The following OSBP2 variants were observed in gnomAD, a reference collection of about 807,000 sequenced individuals.
OSBP2 encodes the protein oxysterol-binding protein 2.
OSBP2 carries 66 observed loss-of-function variants against 96.0 expected under a neutral mutation model. The ratio of observed to expected loss-of-function variants is 0.69; its 90% confidence interval spans 0.56 to 0.84. The LOEUF is 0.84. Ranked by LOEUF, OSBP2 falls within the 40% of genes least tolerant of loss-of-function variation. The pLI, the probability that OSBP2 is intolerant of heterozygous loss-of-function variation, is 0.00. For missense variants in OSBP2, 1,038 were observed against 1,222.7 expected, an observed-to-expected ratio of 0.85 and a Z score of 2.25; for synonymous variants, 525 against 520.9, an observed-to-expected ratio of 1.01 and a Z score of -0.11.
chr22:30,697,030 C>G (rs1399155243), intron 1 of OSBP2, among the ~76,000 whole-genome samples: 1 of 152,062 alleles, frequency 6.6e-6, no homozygotes, highest in African/African-American at 2.4e-5. Context: ...AAGGCACTGG[C>G]CCAGTAGACG....
intron 2 of OSBP2, among the ~76,000 whole-genome samples, chr22:30,834,606 A>C (rs1433797740): frequency 6.6e-6 from 1 of 152,134 alleles, no homozygotes; most frequent in Non-Finnish European, 1.5e-5. Flanking sequence ...ATAACTGATA[A>C]TGTTGAACAT....
chr22:30,739,613 T>C (rs910085970), intron 1 of OSBP2, among the ~76,000 whole-genome samples: 2 of 152,094 alleles, frequency 1.3e-5, no homozygotes, highest in Non-Finnish European at 2.9e-5. Flanking sequence ...TAGCTGGGAC[T>C]ACAGGTGCAC....
At chr22:30,816,612 G>A (rs1011029670) in intron 2 of OSBP2, among the ~76,000 whole-genome samples, 2 of 152,240 alleles carry the variant, frequency 1.3e-5, no homozygotes, top group Admixed American at 1.3e-4. Flanking sequence ...CTCCCAGAGA[G>A]GCGGCCTCTG....
intron 2 of OSBP2, among the ~76,000 whole-genome samples, chr22:30,839,193 G>A (rs1239438612): frequency 7.0e-6 from 1 of 142,628 alleles, no homozygotes; most frequent in African/African-American, 2.7e-5. Context: ...ATTTTTTATG[G>A]CTGCATAGTA....
At chr22:30,720,418 G>C (rs1304295314) in intron 1 of OSBP2, among the ~76,000 whole-genome samples, 1 of 152,130 alleles carries the variant, frequency 6.6e-6, no homozygotes, top group African/African-American at 2.4e-5. Context: ...TTGGCAGGAG[G>C]CCTCAGTTCC....
In OSBP2 at chr22:30,887,326, C is replaced by T. The variant is rs7285523; in HGVS notation, c.1108-100C>T. The T allele has an allele frequency of 3.1e-3, 3,089 of 980,826 alleles. 50 individuals carry two copies. In the African/African-American group the frequency reaches 0.039, roughly 12 times the overall value. The allele number at this position is 980,826 out of a possible 1,614,324, so 60.8% of individuals were successfully genotyped here. Reference sequence around the variant, plus strand: ...CAGTAGGTTTCAGCCTCATCTTACCCAGCTCCTGTTTAAGGTGGAGTTGCT... The same window carrying T: ...CAGTAGGTTTCAGCCTCATCTTACCTAGCTCCTGTTTAAGGTGGAGTTGCT... On this transcript the variant is annotated intron_variant, in intron 3 of 13. Coordinates refer to ENST00000332585, the MANE Select transcript of OSBP2 (RefSeq NM_030758.4).
chr22:30,735,116 C>T (rs2089830018), intron 1 of OSBP2, among the ~76,000 whole-genome samples: 1 of 152,174 alleles, frequency 6.6e-6, no homozygotes, highest in Non-Finnish European at 1.5e-5. Flanking sequence ...TGTTTGAGCG[C>T]AGGAGTTCAA....
intron 2 of OSBP2, among the ~76,000 whole-genome samples, chr22:30,744,395 C>A (rs772202472): frequency 6.6e-6 from 1 of 152,084 alleles, no homozygotes; most frequent in Non-Finnish European, 1.5e-5. Flanking sequence ...TGGGTTATCC[C>A]GGGGCCTGTT....
intron 1 of OSBP2, among the ~76,000 whole-genome samples, chr22:30,703,109 A>T (rs1459928971): frequency 6.6e-6 from 1 of 152,130 alleles, no homozygotes; most frequent in African/African-American, 2.4e-5. Context: ...GGGAATGTGG[A>T]TATAATGTGT....
chr22:30,694,506 G>A (rs2088982598), upstream of OSBP2, among the ~76,000 whole-genome samples: 1 of 152,162 alleles, frequency 6.6e-6, no homozygotes, highest in Admixed American at 6.5e-5. Context: ...AGGGGGCGTC[G>A]GCGCAGGGTC....
intron 2 of OSBP2, among the ~76,000 whole-genome samples, chr22:30,750,268 C>T (rs1460116346): frequency 1.3e-5 from 2 of 152,174 alleles, no homozygotes; most frequent in Non-Finnish European, 2.9e-5. Flanking sequence ...AAGCCCAGCT[C>T]TGGGGCCTTG....
intron 2 of OSBP2, among the ~76,000 whole-genome samples, chr22:30,821,349 C>G (rs1248564663): frequency 6.6e-6 from 1 of 152,154 alleles, no homozygotes; most frequent in East Asian, 1.9e-4. Flanking sequence ...TAAGAGTCCA[C>G]AGGCAAGACG....
intron 2 of OSBP2, among the ~76,000 whole-genome samples, chr22:30,768,329 G>A (rs147430179): frequency 3.3e-5 from 5 of 152,208 alleles, no homozygotes; most frequent in African/African-American, 1.2e-4. Context: ...CTCTGGGGGT[G>A]GGGGTTCTTC....
chr22:30,748,842 AT>A (rs2090039214), intron 2 of OSBP2, among the ~76,000 whole-genome samples: 1 of 152,192 alleles, frequency 6.6e-6, no homozygotes, highest in African/African-American at 2.4e-5. Context: ...TAGGCCAGAC[AT>A]GGTGGCTCAT....
Position 30,893,639 on chromosome 22 carries a change from CA to C in OSBP2, c.2097del (p.Asp701ThrfsTer5). ...IIVGKLWIDQ[S>X]GDIEIVNHKT... ...CTGACCACTGCCCTCCTTCGCCAGT[CA>C]GGGGACATCGAGATTGTGAACCATA... On this transcript the variant is annotated frameshift_variant and splice_region_variant, in exon 11 of 14. Transcript: ENST00000332585. LOFTEE classifies it high-confidence loss of function. The C allele has an allele frequency of 6.2e-7, 1 of 1,614,138 alleles. No individual in the cohort carries two copies. The highest frequency in any genetic ancestry group is 1.7e-5 in the Admixed American group (1 of 60,028).
chr22:30,902,631 AAC>A (rs878859361), intron 12 of OSBP2: 18 of 645,348 alleles, frequency 2.8e-5, no homozygotes, highest in South Asian at 2.4e-4. Flanking sequence ...GATTTCAAAG[AAC>A]CGACAGAGGA....
In OSBP2 at chr22:30,890,591, T is replaced by TG; in HGVS notation, c.1624-135dup. The TG allele has an allele frequency of 1.1e-6, 1 of 921,758 alleles. No homozygotes were observed. Among genetic ancestry groups the TG allele is most frequent in the Middle Eastern group, 3.2e-4 (1 of 3,170 alleles). 57.1% of individuals were successfully genotyped at this position (921,758 alleles called of 1,614,324 possible). ...GGTGATGGCTTGGGGGCCACACTGT[T>TG]GGACAGGGCCATCTGAGGAGCCTCA... On this transcript the variant is annotated intron_variant, in intron 7 of 13. Transcript: ENST00000332585. This position sits in a 1 kb window ranked among gnomAD's most constrained non-coding sequence, Gnocchi z 4.4.
chr22:30,893,133 C>A lies in OSBP2; in HGVS notation c.1881C>A (p.His627Gln), dbSNP rs552962356. The A allele has an allele frequency of 3.4e-5, 55 of 1,612,642 alleles. No homozygotes were observed. The highest frequency in any genetic ancestry group is 1.1e-4 in the African/African-American group (8 of 74,888). ...GGGTCTGGTCTCAGGTGAGCCACCA[C>A]CCCCCCTCAGCTGCGCACTACGTGT... ...LRSLCEQVSH[H>Q]PPSAAHYVFS... The change falls in exon 9 of 14, where the codon CAC becomes CAA. Residue 627 changes from histidine (H) to glutamine (Q), a missense_variant. His to Gln is a conservative substitution (Grantham distance 24). Transcript: ENST00000332585.
intron 3 of OSBP2, among the ~76,000 whole-genome samples, chr22:30,882,401 G>A (rs1276628527): frequency 1.3e-5 from 2 of 152,052 alleles, no homozygotes; most frequent in African/African-American, 2.4e-5. Flanking sequence ...ATGCAGGTGA[G>A]ATGCTCAGGG....
Sources: gnomAD v4.1 joint callset for allele counts (sites outside exome capture counted in the v4.1 genomes callset) on GRCh38, gnomAD v4.1.1 for gene constraint, Gnocchi (gnomAD v3.1) non-coding constraint, MANE v1.5 for transcripts, NCBI Gene and HGNC (gene_info 2026-07-23, HGNC 2026-07-21) for gene names.